Variants in PTPRG observed in about 807,000 individuals in gnomAD.
The protein encoded by PTPRG is protein tyrosine phosphatase receptor type G.
Under a neutral mutation model 165.3 loss-of-function variants are expected in PTPRG, and 102 were observed. The observed-to-expected ratio is 0.62, with a 90% CI of 0.53 to 0.73. The LOEUF (loss-of-function observed/expected upper bound fraction) is 0.73, where lower values mean the gene tolerates loss of function less well. Ranked by LOEUF, PTPRG falls within the 30% of genes least tolerant of loss-of-function variation. The pLI, the probability that PTPRG is intolerant of heterozygous loss-of-function variation, is 0.00. For missense variants in PTPRG, 1,866 were observed against 1,861.4 expected (o/e 1.00, Z -0.05); for synonymous variants, 675 against 669.5 (o/e 1.01, Z -0.13).
chr3:61,754,630 G>A (rs1329033788), intron 2 of PTPRG, among the ~76,000 whole-genome samples: 1 of 152,154 alleles, frequency 6.6e-6, no homozygotes, highest in Non-Finnish European at 1.5e-5. Context: ...CTGTCCTTGG[G>A]AATTTACTAA....
intron 2 of PTPRG, among the ~76,000 whole-genome samples, chr3:61,956,493 C>T (rs1429826774): frequency 8.5e-5 from 13 of 152,092 alleles, no homozygotes; most frequent in Non-Finnish European, 1.9e-4. Context: ...TAGTCAGTTC[C>T]AGTTTGGTTA....
chr3:62,218,781 A>C, intron 12 of PTPRG, 70 bp from the exon 13 acceptor site: 2 of 1,529,028 alleles, frequency 1.3e-6, no homozygotes, highest in Admixed American at 3.7e-5. Flanking sequence ...CTGGAACAGA[A>C]CTCTGCATCA....
At chr3:62,137,232 C>T (rs1703742366) in intron 6 of PTPRG, among the ~76,000 whole-genome samples, 1 of 152,126 alleles carries the variant, frequency 6.6e-6, no homozygotes, top group South Asian at 2.1e-4. Context: ...TCATTACCAG[C>T]ACTTTTTGTA....
intron 2 of PTPRG, among the ~76,000 whole-genome samples, chr3:61,919,739 C>T (rs1479302257): frequency 6.6e-6 from 1 of 152,116 alleles, no homozygotes; most frequent in African/African-American, 2.4e-5. Flanking sequence ...ATCTGTGGAC[C>T]TGCTTATCTA....
chr3:62,183,361 C>T (rs533412047), intron 8 of PTPRG, among the ~76,000 whole-genome samples: 9 of 152,182 alleles, frequency 5.9e-5, no homozygotes, highest in Non-Finnish European at 8.8e-5. Flanking sequence ...GTCAGGAGTT[C>T]GAGACCAGCC....
At position 62,132,583 on chromosome 3, in the gene PTPRG, A is replaced by C; in HGVS notation, c.616-19A>C. 6.4e-7 allele frequency: 1 copy of C among 1,574,696 alleles called. No homozygotes were observed. The highest frequency in any genetic ancestry group is 8.7e-7 in the Non-Finnish European group (1 of 1,144,132). ...GATGCCAGAATAGATTTAACCAATCATGTTTCCTTTACATTTAGGTCAGTC... is the reference window on the plus strand; with the variant it reads ...GATGCCAGAATAGATTTAACCAATCCTGTTTCCTTTACATTTAGGTCAGTC... On this transcript the variant is annotated intron_variant, in intron 5 of 29. Transcript: ENST00000474889.
intron 1 of PTPRG, among the ~76,000 whole-genome samples, chr3:61,671,739 CCTG>C: frequency 6.8e-6 from 1 of 147,670 alleles, no homozygotes; most frequent in South Asian, 2.2e-4. Flanking sequence ...CCCCTCACCT[CCTG>C]GACGGGGCGG....
intron 6 of PTPRG, among the ~76,000 whole-genome samples, chr3:62,146,707 G>C (rs887317659): frequency 6.6e-6 from 1 of 151,776 alleles, no homozygotes; most frequent in Admixed American, 6.6e-5. Flanking sequence ...GTGACTGATA[G>C]CAAATATTTT....
At chr3:61,870,491 T>G (rs2037536657) in intron 2 of PTPRG, among the ~76,000 whole-genome samples, 2 of 130,652 alleles carry the variant, frequency 1.5e-5, no homozygotes, top group African/African-American at 3.0e-5. Context: ...TTTTTTTTTT[T>G]TTTTTTTTTT....
At chr3:61,805,813 G>GT (rs1243043807) in intron 2 of PTPRG, among the ~76,000 whole-genome samples, 1 of 152,186 alleles carries the variant, frequency 6.6e-6, no homozygotes. Flanking sequence ...CAAAACTCAT[G>GT]TTTTTTTAGT....
intron 4 of PTPRG, among the ~76,000 whole-genome samples, chr3:62,048,370 G>A (rs1242282351): frequency 6.6e-6 from 1 of 152,160 alleles, no homozygotes; most frequent in Non-Finnish European, 1.5e-5. Context: ...CTTTGGGGTG[G>A]AAGAAAATAC....
At chr3:61,866,891 C>A (rs1048100144) in intron 2 of PTPRG, among the ~76,000 whole-genome samples, 1 of 152,106 alleles carries the variant, frequency 6.6e-6, no homozygotes, top group African/African-American at 2.4e-5. Flanking sequence ...GACACCGCAC[C>A]CGGCCAAAGT....
intron 5 of PTPRG, among the ~76,000 whole-genome samples, chr3:62,125,991 C>T (rs1464674136): frequency 1.3e-5 from 2 of 152,150 alleles, no homozygotes; most frequent in Non-Finnish European, 1.5e-5. Context: ...GGCACCCCAG[C>T]CATCCCACTT....
At chr3:62,025,134 G>A (rs2041777687) in intron 4 of PTPRG, among the ~76,000 whole-genome samples, 1 of 152,108 alleles carries the variant, frequency 6.6e-6, no homozygotes, top group African/African-American at 2.4e-5. Context: ...ACTGCAACAG[G>A]GAGTGGGATG....
At chr3:61,592,652 T>TCTTTC (rs199962984) in intron 1 of PTPRG, among the ~76,000 whole-genome samples, 1 of 141,116 alleles carries the variant, frequency 7.1e-6, no homozygotes, top group Non-Finnish European at 1.6e-5. Context: ...TTTCTTTCTT[T>TCTTTC]TTTTTTTTTT....
rs565878675 is a variant in PTPRG, at chr3:62,293,322, G to C, written c.*15G>C. ...CCCTAGTGTGACTGGAATCCTGAAA[G>C]GGCACTTAATTTGTAAACTTCTGAA... On this transcript the variant is annotated 3_prime_UTR_variant, in exon 30 of 30. Transcript: ENST00000474889. 1.3e-6 allele frequency: 2 copies of C among 1,535,674 alleles called. No homozygotes were observed. Among genetic ancestry groups the C allele is most frequent in the Non-Finnish European group, 1.7e-6 (2 of 1,146,862 alleles).
chr3:62,115,139 T>G (rs1397202795), intron 5 of PTPRG, among the ~76,000 whole-genome samples: 1 of 152,158 alleles, frequency 6.6e-6, no homozygotes, highest in Non-Finnish European at 1.5e-5. Context: ...TTCTCATCTC[T>G]TATCTTCCTA....
intron 1 of PTPRG, among the ~76,000 whole-genome samples, chr3:61,718,753 T>C (rs2031926603): frequency 6.6e-6 from 1 of 152,204 alleles, no homozygotes; most frequent in African/African-American, 2.4e-5. Flanking sequence ...CTGGATAGAA[T>C]TGGACTTTGC....
At chr3:61,964,756 C>G (rs2040229651) in intron 2 of PTPRG, among the ~76,000 whole-genome samples, 1 of 152,056 alleles carries the variant, frequency 6.6e-6, no homozygotes, top group African/African-American at 2.4e-5. Flanking sequence ...GAGCTTCAGG[C>G]TTTGTTCTCT....
Sources: allele counts gnomAD v4.1 joint callset (sites outside exome capture counted in the v4.1 genomes callset), GRCh38; gene constraint gnomAD v4.1.1; transcripts MANE v1.5; gene names NCBI Gene and HGNC (gene_info 2026-07-23, HGNC 2026-07-21).